The following BABAM2 variants were observed in gnomAD, a reference collection of about 807,000 sequenced individuals.
The protein encoded by BABAM2 is BRISC and BRCA1 A complex member 2, also known as BRISC and BRCA1-A complex member 2.
In BABAM2, 31 loss-of-function variants were observed where a neutral mutation model predicts 54.7. That is an observed-to-expected ratio of 0.57 (90% CI 0.43 to 0.77). The LOEUF (loss-of-function observed/expected upper bound fraction) is 0.77, where lower values mean the gene tolerates loss of function less well. Among genes scored for constraint, BABAM2 ranks in the 30% least tolerant of loss-of-function variants. BABAM2 has a pLI of 0.00. For synonymous variants in BABAM2, 167 were observed against 162.9 expected (o/e 1.03, Z -0.19); for missense variants, 364 against 455.8 (o/e 0.80, Z 1.83).
At chr2:28,320,206 C>T (rs548015314) in intron 11 of BABAM2, among the ~76,000 whole-genome samples, 99 of 152,344 alleles carry the variant, frequency 6.5e-4, no homozygotes, top group African/African-American at 2.2e-3. Flanking sequence ...AAAGAGGCAG[C>T]GAGCCGACAG....
chr2:27,928,473 C>T (rs1323373703), intron 2 of BABAM2, among the ~76,000 whole-genome samples: 1 of 142,796 alleles, frequency 7.0e-6, no homozygotes, highest in Non-Finnish European at 1.6e-5. Flanking sequence ...TTTTCACATT[C>T]AAATCGTTTT....
intron 4 of BABAM2, among the ~76,000 whole-genome samples, chr2:27,990,822 A>G (rs1672727710): frequency 6.6e-6 from 1 of 151,972 alleles, no homozygotes; most frequent in Non-Finnish European, 1.5e-5. Flanking sequence ...ATAATCTTTT[A>G]TTTATTCAAT....
intron 11 of BABAM2, among the ~76,000 whole-genome samples, chr2:28,334,131 G>A (rs1201814298): frequency 1.3e-5 from 2 of 152,194 alleles, no homozygotes; most frequent in South Asian, 2.1e-4. Context: ...TTGGCAGCAC[G>A]CAGTTGGCCC....
chr2:28,047,845 A>G (rs1677710570), intron 6 of BABAM2, among the ~76,000 whole-genome samples: 1 of 152,226 alleles, frequency 6.6e-6, no homozygotes, highest in Admixed American at 6.5e-5. Flanking sequence ...GTGTAACACA[A>G]AGCAACAGCC....
rs1384891784 is a variant in BABAM2 at position 27,960,955 on chromosome 2, T to G, written c.206-27038T>G. Reference sequence around the variant, plus strand: ...TTTGCTGAATAGGAAGCAAACACACTATCAGATGCTAATGCCTTCTGCCAT... The same window carrying G: ...TTTGCTGAATAGGAAGCAAACACACGATCAGATGCTAATGCCTTCTGCCAT... On this transcript the variant is annotated intron_variant, in intron 3 of 11. Coordinates refer to ENST00000379624, the MANE Select transcript of BABAM2 (RefSeq NM_199191.3). 7.2e-5 allele frequency among the ~76,000 whole-genome samples: 11 copies of G among 152,226 alleles called. No homozygotes were observed. In the East Asian group the frequency reaches 1.7e-3, roughly 24 times the overall value.
At chr2:28,327,413 G>A (rs1483373363) in intron 11 of BABAM2, 2 of 1,609,220 alleles carry the variant, frequency 1.2e-6, no homozygotes, top group African/African-American at 2.7e-5. Context: ...GGCCTCAGAG[G>A]GAGAGAGAAC....
At chr2:27,957,793 C>T (rs1465891064) in intron 3 of BABAM2, among the ~76,000 whole-genome samples, 4 of 152,026 alleles carry the variant, frequency 2.6e-5, no homozygotes, top group Non-Finnish European at 4.4e-5. Context: ...TTATTTTGGC[C>T]AACAGAATAT....
At position 27,939,021 on chromosome 2, in the gene BABAM2, C is replaced by T. The variant is rs372349509; in HGVS notation, c.205+9113C>T. Among the ~76,000 whole-genome samples, 11 of 152,212 alleles carry T rather than the reference C, an allele frequency of 7.2e-5. No homozygotes were observed. The East Asian group carries it at 1.2e-3, about 16-fold the overall frequency. On this transcript the variant is annotated intron_variant, in intron 3 of 11. Transcript: ENST00000379624. The stretch of plus-strand genomic sequence containing the variant: ...AGGCTGGAGTGCAATGTAGCAATCT[C>T]GGCTCACTTCAACCTCCACCTCCTG...
In BABAM2 at chr2:28,237,166, C is replaced by G. The variant is rs1681990204; in HGVS notation, c.681-36C>G. 12 of 1,572,372 alleles carry G rather than the reference C, an allele frequency of 7.6e-6. No individual in the cohort carries two copies. In the East Asian group the frequency reaches 2.7e-4, roughly 35 times the overall value. ...TGTCACTTCTTAAGTTGCTTGAGCC[C>G]TAAGAGAAGTGTCCATTGTACTCTT... is the stretch of plus-strand genomic sequence containing the variant. On this transcript the variant is annotated intron_variant, in intron 7 of 11. Transcript: ENST00000379624.
At chr2:28,183,531 C>T (rs1264521787) in intron 7 of BABAM2, among the ~76,000 whole-genome samples, 2 of 152,096 alleles carry the variant, frequency 1.3e-5, no homozygotes, top group Non-Finnish European at 2.9e-5. Flanking sequence ...AATAGCTGCC[C>T]AGTGGGACAG....
At chr2:28,078,993 A>G (rs534984093) in intron 6 of BABAM2, among the ~76,000 whole-genome samples, 4 of 152,088 alleles carry the variant, frequency 2.6e-5, no homozygotes, top group Admixed American at 6.5e-5. Flanking sequence ...GCATGAACCA[A>G]TTTTTCAACT....
chr2:28,026,693 G>A (rs1675690606), intron 5 of BABAM2, among the ~76,000 whole-genome samples: 1 of 132,912 alleles, frequency 7.5e-6, no homozygotes, highest in Non-Finnish European at 1.5e-5. Flanking sequence ...AAACAAACCT[G>A]CACGTTCTTC....
chr2:27,893,685 A>G (rs1156757578), intron 1 of BABAM2, among the ~76,000 whole-genome samples: 1 of 152,164 alleles, frequency 6.6e-6, no homozygotes, highest in East Asian at 1.9e-4. Flanking sequence ...TGTGGACGGA[A>G]AGGTATTAAG....
chr2:28,120,442 A>T (rs1668973186), intron 6 of BABAM2, among the ~76,000 whole-genome samples: 1 of 152,202 alleles, frequency 6.6e-6, no homozygotes, highest in Admixed American at 6.5e-5. Context: ...ATCCTAGAGG[A>T]TATAGTATCA....
intron 8 of BABAM2, among the ~76,000 whole-genome samples, chr2:28,239,490 A>G (rs1415803794): frequency 6.6e-6 from 1 of 152,214 alleles, no homozygotes; most frequent in East Asian, 1.9e-4. Flanking sequence ...TGCCTAGCTT[A>G]ATGAGTTTGC....
chr2:28,062,270 AAAAC>A (rs1678940171), intron 6 of BABAM2, among the ~76,000 whole-genome samples: 1 of 150,940 alleles, frequency 6.6e-6, no homozygotes, highest in Non-Finnish European at 1.5e-5. Flanking sequence ...AAAAAAAAAA[AAAAC>A]AAAAAACCTG....
chr2:28,285,925 T>C (rs1400435850), intron 10 of BABAM2, among the ~76,000 whole-genome samples: 1 of 151,618 alleles, frequency 6.6e-6, no homozygotes, highest in Non-Finnish European at 1.5e-5. Context: ...GAGAAGTAAA[T>C]AGTCACCCCC....
intron 7 of BABAM2, among the ~76,000 whole-genome samples, chr2:28,234,245 G>A (rs558772880): frequency 1.8e-4 from 27 of 152,098 alleles, no homozygotes; most frequent in Non-Finnish European, 2.9e-4. Flanking sequence ...TTTGAACTAT[G>A]GAGAGCATTT....
intron 7 of BABAM2, among the ~76,000 whole-genome samples, chr2:28,210,217 T>C (rs1375161547): frequency 6.6e-6 from 1 of 152,200 alleles, no homozygotes; most frequent in African/African-American, 2.4e-5. Flanking sequence ...CTGCCTTTTA[T>C]TAATTTATAA....
Sources: gnomAD v4.1 joint callset for allele counts (sites outside exome capture counted in the v4.1 genomes callset) on GRCh38, gnomAD v4.1.1 for gene constraint, MANE v1.5 for transcripts, NCBI Gene and HGNC (gene_info 2026-07-23, HGNC 2026-07-21) for gene names.